FAT3: variants seen among roughly 807,000 people sequenced by gnomAD.
FAT3 encodes FAT atypical cadherin 3, also known as protocadherin Fat 3.
Under a neutral mutation model 310.2 loss-of-function variants are expected in FAT3, and 95 were observed. The ratio of observed to expected loss-of-function variants is 0.31; its 90% CI spans 0.26 to 0.36. The LOEUF (loss-of-function observed/expected upper bound fraction) is 0.36. FAT3 is among the 10% of genes least tolerant of loss of function. The probability of loss-of-function intolerance (pLI) is 1.00; values close to 1 mark genes in which losing one functional copy is unlikely to be tolerated. For synonymous variants in FAT3, 2,314 were observed against 2,192.9 expected (o/e 1.06, Z -1.54); for missense variants, 5,408 against 5,715.6 (o/e 0.95, Z 1.74).
Position 92,844,182 on chromosome 11 carries a change from C to A in FAT3, c.10815C>A (p.Ile3605=). The part of the protein sequence containing the change: ...LFKVNSHDGK[I]IALGGLDSGK... ...AAGTGAACAGTCACGATGGGAAAAT[C>A]ATCGCCCTGGGAGGCCTGGACAGCG... Residue 3605 remains isoleucine (I), a synonymous_variant, in exon 19 of 28, where the codon ATC becomes ATA. Coordinates refer to ENST00000525166, the MANE Select transcript of FAT3 (RefSeq NM_001367949.2). 1 of 1,614,042 alleles carries A rather than the reference C, an allele frequency of 6.2e-7. No individual in the cohort carries two copies.
At chr11:92,642,385 T>A (rs1298651164) in intron 3 of FAT3, among the ~76,000 whole-genome samples, 2 of 152,206 alleles carry the variant, frequency 1.3e-5, no homozygotes, top group African/African-American at 4.8e-5. Flanking sequence ...ATAGAACTGA[T>A]ACAATTTGAT....
intron 3 of FAT3, among the ~76,000 whole-genome samples, chr11:92,532,408 A>G (rs1424268021): frequency 2.0e-5 from 3 of 152,202 alleles, no homozygotes; most frequent in Non-Finnish European, 4.4e-5. Context: ...TCAGTTAAAT[A>G]CATTTGTATG....
chr11:92,785,629 T>C (rs7924662), intron 7 of FAT3, among the ~76,000 whole-genome samples: 4,343 of 152,174 alleles, frequency 0.029, 228 homozygotes, highest in African/African-American at 0.099. Context: ...GTAGTACATA[T>C]ATAAACTTTA....
chr11:92,776,876 C>T (rs1946611775), intron 7 of FAT3, among the ~76,000 whole-genome samples: 1 of 152,108 alleles, frequency 6.6e-6, no homozygotes, highest in Non-Finnish European at 1.5e-5. Context: ...ACTCTGTCTG[C>T]TGAGCTATCT....
At chr11:92,754,630 A>AAAAAAAAAAAAAAAAAAAAAC (rs1945935672) in intron 4 of FAT3, among the ~76,000 whole-genome samples, 1 of 139,228 alleles carries the variant, frequency 7.2e-6, no homozygotes, top group African/African-American at 2.7e-5. Context: ...TCTGCCTCAA[A>AAAAAAAAAAAAAAAAAAAAAC]AAAAAAAAAA....
At position 92,891,169 on chromosome 11, in the gene FAT3, G is replaced by C. The variant is rs1046112834; in HGVS notation, c.*56G>C. On this transcript the variant is annotated 3_prime_UTR_variant, in exon 28 of 28. Coordinates refer to ENST00000525166, the MANE Select transcript of FAT3 (RefSeq NM_001367949.2). ...GTTACAGAAAAGTGGAAGCAGATTG[G>C]CTGGGCTTCTGTCCCAGTGGAGCAT... The C allele has an allele frequency of 6.3e-7, 1 of 1,582,550 alleles. No individual in the cohort carries two copies. Among genetic ancestry groups the C allele is most frequent in the Non-Finnish European group, 8.6e-7 (1 of 1,164,854 alleles).
At chr11:92,244,272 C>A (rs1197180912) in intron 1 of FAT3, among the ~76,000 whole-genome samples, 2 of 152,070 alleles carry the variant, frequency 1.3e-5, no homozygotes, top group East Asian at 1.9e-4. Flanking sequence ...CCCTTTCAGT[C>A]CTCCTTTTAT....
intron 13 of FAT3, among the ~76,000 whole-genome samples, chr11:92,811,504 A>G (rs1947672067): frequency 6.6e-6 from 1 of 152,144 alleles, no homozygotes; most frequent in Non-Finnish European, 1.5e-5. Context: ...TTACTGACTC[A>G]CAGACGGTGT....
chr11:92,628,700 G>C (rs1941429560), intron 3 of FAT3, among the ~76,000 whole-genome samples: 1 of 152,216 alleles, frequency 6.6e-6, no homozygotes, highest in South Asian at 2.1e-4. Flanking sequence ...TTGCTTAGGA[G>C]ATTGTCCACT....
intron 1 of FAT3, among the ~76,000 whole-genome samples, chr11:92,308,183 C>T (rs1405095463): frequency 6.6e-6 from 1 of 152,040 alleles, no homozygotes; most frequent in Non-Finnish European, 1.5e-5. Context: ...AATGCGTGTG[C>T]TTTTTGGAAA....
chr11:92,451,819 C>T (rs1017513308), intron 2 of FAT3, among the ~76,000 whole-genome samples: 4 of 152,038 alleles, frequency 2.6e-5, no homozygotes, highest in African/African-American at 4.8e-5. Context: ...GCAGTAAAAC[C>T]AATTTTTAGA....
At chr11:92,865,658 C>T (rs779776794) in intron 21 of FAT3, among the ~76,000 whole-genome samples, 4 of 152,188 alleles carry the variant, frequency 2.6e-5, no homozygotes, top group Non-Finnish European at 5.9e-5. Flanking sequence ...GCCCTCATTC[C>T]CTGGATCCCA....
intron 3 of FAT3, among the ~76,000 whole-genome samples, chr11:92,664,993 A>G (rs1942905956): frequency 6.6e-6 from 1 of 152,138 alleles, no homozygotes; most frequent in Admixed American, 6.5e-5. Flanking sequence ...CACCCTAAAA[A>G]TCCTCAGCAA....
rs144314253 is a variant in FAT3 at position 92,587,161 on chromosome 11, T to C, written c.3607+62213T>C. 2.6e-5 allele frequency among the ~76,000 whole-genome samples: 4 copies of C among 152,160 alleles called. 1 individual carries two copies. In the East Asian group the frequency reaches 7.7e-4, roughly 29 times the overall value. Reference sequence around the variant, plus strand: ...TTTTATATTAAATTGTGTGTACTTTTACAGTCCTCCTAAATTCAGATGAAT... The same window carrying C: ...TTTTATATTAAATTGTGTGTACTTTCACAGTCCTCCTAAATTCAGATGAAT... On this transcript the variant is annotated intron_variant, in intron 3 of 27. Transcript: ENST00000525166.
intron 24 of FAT3, among the ~76,000 whole-genome samples, chr11:92,885,040 G>T (rs1308717259): frequency 6.6e-6 from 1 of 152,176 alleles, no homozygotes; most frequent in East Asian, 1.9e-4. Flanking sequence ...TGTCAGTAAG[G>T]TCATCAGTGT....
chr11:92,280,555 G>A (rs1318371128), intron 1 of FAT3, among the ~76,000 whole-genome samples: 1 of 152,092 alleles, frequency 6.6e-6, no homozygotes, highest in Non-Finnish European at 1.5e-5. Flanking sequence ...TATCTTTTCT[G>A]CCAGCTGCAG....
rs139000088 is a variant in FAT3, at chr11:92,350,984, C to G, written c.-17-1112C>G. 3.9e-3 allele frequency among the ~76,000 whole-genome samples: 593 copies of G among 152,210 alleles called. 7 individuals carry two copies. Among genetic ancestry groups the G allele is most frequent in the African/African-American group, 0.013 (557 of 41,530 alleles). On this transcript the variant is annotated intron_variant, in intron 1 of 27. Transcript: ENST00000525166. ...CTTAACTTTTTCTTGTTGAATACCTCCTTTCTCCCTTCTCCTTGATTGATT... is the reference window on the plus strand; with the variant it reads ...CTTAACTTTTTCTTGTTGAATACCTGCTTTCTCCCTTCTCCTTGATTGATT...
chr11:92,748,203 G>A (rs556731262), intron 4 of FAT3, among the ~76,000 whole-genome samples: 6 of 152,248 alleles, frequency 3.9e-5, no homozygotes, highest in South Asian at 4.2e-4. Context: ...GAGTAAATCC[G>A]TGTCTTCCAT....
intron 2 of FAT3, among the ~76,000 whole-genome samples, chr11:92,384,492 C>T (rs150292682): frequency 0.011 from 1,723 of 152,292 alleles, 16 homozygotes; most frequent in Non-Finnish European, 0.019. Context: ...TGACTCATAA[C>T]TTCTTTAAGC....
Sources: allele counts gnomAD v4.1 joint callset (sites outside exome capture counted in the v4.1 genomes callset), GRCh38; gene constraint gnomAD v4.1.1; transcripts MANE v1.5; gene names NCBI Gene and HGNC (gene_info 2026-07-23, HGNC 2026-07-21).